Variants in LEPR observed in about 807,000 individuals in gnomAD.
LEPR encodes leptin receptor.
LEPR carries 56 observed loss-of-function variants against 114.7 expected under a neutral mutation model. The observed-to-expected ratio is 0.49, with a 90% confidence interval of 0.39 to 0.61. LEPR has a LOEUF of 0.61. Among genes scored for constraint, LEPR ranks in the 20% least tolerant of loss-of-function variants. The pLI, the probability that LEPR is intolerant of heterozygous loss-of-function variation, is 0.00. For synonymous variants in LEPR, 443 were observed against 461.4 expected, an observed-to-expected ratio of 0.96 and a Z score of 0.51; for missense variants, 1,202 against 1,352.9, an observed-to-expected ratio of 0.89 and a Z score of 1.75.
intron 1 of LEPR, among the ~76,000 whole-genome samples, chr1:65,423,381 A>C (rs1646291618): frequency 6.6e-6 from 1 of 152,184 alleles, no homozygotes; most frequent in Non-Finnish European, 1.5e-5. Context: ...GAGGAAAAAA[A>C]AGACCAAAAA....
chr1:65,505,509 C>T (rs1335265142), intron 2 of LEPR, among the ~76,000 whole-genome samples: 1 of 152,138 alleles, frequency 6.6e-6, no homozygotes, highest in Non-Finnish European at 1.5e-5. Context: ...AATCCTCAGG[C>T]CTCCTTGCTC....
intron 2 of LEPR, among the ~76,000 whole-genome samples, chr1:65,549,351 G>A (rs1652082612): frequency 1.3e-5 from 2 of 150,918 alleles, no homozygotes; most frequent in African/African-American, 2.4e-5. Flanking sequence ...TCTGAATGTT[G>A]GCCTGCCTTG....
Position 65,618,158 on chromosome 1 carries a change from A to G in LEPR, c.2395+12A>G, listed in dbSNP as rs1657643414. 1 of 1,595,830 alleles carries G rather than the reference A, an allele frequency of 6.3e-7. No homozygotes were observed. The highest frequency in any genetic ancestry group is 1.1e-5 in the South Asian group (1 of 90,010). On this transcript the variant is annotated intron_variant, in intron 16 of 19. Transcript: ENST00000349533. ...GTATTATATCCATGGTAAGTTTACT[A>G]TACTTTAGTAAGTTGCTCTCATGGA...
chr1:65,550,790 C>T (rs1021633612), intron 2 of LEPR, among the ~76,000 whole-genome samples: 2 of 152,144 alleles, frequency 1.3e-5, no homozygotes, highest in Non-Finnish European at 2.9e-5. Flanking sequence ...AATGCCTTGC[C>T]CTGCTTTGGC....
chr1:65,464,760 G>T (rs1646988209), intron 2 of LEPR, among the ~76,000 whole-genome samples: 1 of 152,132 alleles, frequency 6.6e-6, no homozygotes. Flanking sequence ...TCTTGGGAGG[G>T]TGTATGTGTC....
intron 19 of LEPR, chr1:65,634,387 TTTAA>T (rs776911377): frequency 2.5e-5 from 24 of 971,528 alleles, no homozygotes; most frequent in Admixed American, 1.2e-4. Context: ...AAGGACATTC[TTTAA>T]TTACTGCCCA....
chr1:65,634,192 T>C, intron 19 of LEPR: 2 of 982,648 alleles, frequency 2.0e-6, no homozygotes, highest in Non-Finnish European at 2.4e-6. Context: ...TTTAATGAAC[T>C]CAGTATTCAA....
chr1:65,458,930 A>G (rs192368719), intron 2 of LEPR, among the ~76,000 whole-genome samples: 45 of 152,300 alleles, frequency 3.0e-4, no homozygotes, highest in Non-Finnish European at 5.9e-5. Flanking sequence ...ACATATTTGC[A>G]AACTCAACAA....
At chr1:65,478,945 G>A (rs972685036) in intron 2 of LEPR, among the ~76,000 whole-genome samples, 2 of 152,182 alleles carry the variant, frequency 1.3e-5, no homozygotes, top group Admixed American at 1.3e-4. Context: ...TTTGGTCAGG[G>A]CCAAACAAGA....
intron 2 of LEPR, among the ~76,000 whole-genome samples, chr1:65,453,187 T>G (rs1435665929): frequency 1.3e-5 from 2 of 152,226 alleles, no homozygotes; most frequent in Non-Finnish European, 2.9e-5. Flanking sequence ...TTTATTAGTC[T>G]TGTTAGCAGT....
At chr1:65,427,720 C>A in intron 2 of LEPR, 1 of 334,082 alleles carries the variant, frequency 3.0e-6, no homozygotes, top group Non-Finnish European at 6.0e-6. Context: ...AAGAAAATGA[C>A]TCATTACTGC....
At chr1:65,607,951 G>A (rs763811455) in intron 11 of LEPR, among the ~76,000 whole-genome samples, 5 of 152,018 alleles carry the variant, frequency 3.3e-5, no homozygotes, top group East Asian at 1.9e-4. Flanking sequence ...GTACATATAC[G>A]TATCTATTTT....
intron 2 of LEPR, among the ~76,000 whole-genome samples, chr1:65,488,222 C>CTT (rs1284234824): frequency 1.6e-4 from 11 of 70,786 alleles, no homozygotes; most frequent in African/African-American, 8.7e-4. Flanking sequence ...CTCTCTCTCT[C>CTT]TCTCTCTTTC....
At position 65,616,150 on chromosome 1, in the gene LEPR, C is replaced by G. The variant is rs777858657; in HGVS notation, c.2138C>G (p.Thr713Arg). Residue 713 changes from threonine to arginine, a missense_variant, in exon 15 of 20, where the codon ACG becomes AGG. Coordinates refer to ENST00000349533, the MANE Select transcript of LEPR (RefSeq NM_002303.6). The part of the protein sequence containing the change: ...FLWTEQAHTV[T>R]VLAINSIGAS... ...TGGACAGAGCAAGCACATACTGTTA[C>G]GGTTCTGGCCATCAATTCAATTGGT... The G allele has an allele frequency of 6.2e-7, 1 of 1,614,110 alleles. No individual in the cohort carries two copies. The highest frequency in any genetic ancestry group is 1.1e-5 in the South Asian group (1 of 91,082).
rs527892705 is a variant in LEPR, at chr1:65,546,826, C to A, written c.-20-18720C>A. 6.6e-5 allele frequency among the ~76,000 whole-genome samples: 10 copies of A among 152,270 alleles called. No homozygotes were observed. The South Asian group carries it at 2.1e-3, about 32-fold the overall frequency. ...TCCTTCTCCTGCCTAATTGTCCTGGCCAGAACTTCCAACACTATGTTGAAT... is the reference window on the plus strand; with the variant it reads ...TCCTTCTCCTGCCTAATTGTCCTGGACAGAACTTCCAACACTATGTTGAAT... On this transcript the variant is annotated intron_variant, in intron 2 of 19. Coordinates refer to ENST00000349533, the MANE Select transcript of LEPR (RefSeq NM_002303.6).
At chr1:65,425,494 GC>G in intron 2 of LEPR, 116 bp downstream of exon 2, 3 of 787,226 alleles carry the variant, frequency 3.8e-6, no homozygotes, top group South Asian at 2.0e-5. Context: ...AGTTAGTGGA[GC>G]CCAGTTTATG....
chr1:65,597,975 T>G (rs1474987790), intron 7 of LEPR, among the ~76,000 whole-genome samples: 2 of 152,006 alleles, frequency 1.3e-5, no homozygotes, highest in Non-Finnish European at 2.9e-5. Flanking sequence ...TAATTTTTAG[T>G]CTGTGACATG....
intron 11 of LEPR, among the ~76,000 whole-genome samples, chr1:65,608,549 C>T (rs1656970325): frequency 1.3e-5 from 2 of 151,926 alleles, no homozygotes; most frequent in Non-Finnish European, 2.9e-5. Context: ...TTTTTTCAGT[C>T]AAGTCTATAT....
At chr1:65,533,606 C>T (rs1650553281) in intron 2 of LEPR, among the ~76,000 whole-genome samples, 1 of 152,040 alleles carries the variant, frequency 6.6e-6, no homozygotes, top group Admixed American at 6.6e-5. Flanking sequence ...TAATTTTCAG[C>T]CTTTCTTCTT....
Sources: allele counts gnomAD v4.1 joint callset (sites outside exome capture counted in the v4.1 genomes callset), GRCh38; gene constraint gnomAD v4.1.1; transcripts MANE v1.5; gene names NCBI Gene and HGNC (gene_info 2026-07-23, HGNC 2026-07-21).